PRKD1: variants seen among roughly 807,000 people sequenced by gnomAD.
PRKD1 encodes the protein serine/threonine-protein kinase D1.
PRKD1 carries 63 observed loss-of-function variants against 95.9 expected under a neutral mutation model. The ratio of observed to expected loss-of-function variants is 0.66; its 90% CI spans 0.54 to 0.81. The LOEUF (loss-of-function observed/expected upper bound fraction) is 0.81. Among genes scored for constraint, PRKD1 ranks in the 30% least tolerant of loss-of-function variants. The pLI, the probability that PRKD1 is intolerant of heterozygous loss-of-function variation, is 0.00. For missense variants in PRKD1, 1,048 were observed against 1,165.3 expected (o/e 0.90, Z 1.47); for synonymous variants, 425 against 423.1 (o/e 1.00, Z -0.05).
intron 1 of PRKD1, among the ~76,000 whole-genome samples, chr14:29,741,682 A>G (rs770588955): frequency 2.0e-5 from 3 of 152,126 alleles, no homozygotes; most frequent in Non-Finnish European, 2.9e-5. Flanking sequence ...TATAACTTCA[A>G]TACAGCTCCA....
intron 13 of PRKD1, among the ~76,000 whole-genome samples, chr14:29,618,492 G>A (rs1226194999): frequency 6.6e-6 from 1 of 152,120 alleles, no homozygotes; most frequent in Non-Finnish European, 1.5e-5. Flanking sequence ...CTGACCTCAG[G>A]TGATCCGGCT....
At chr14:29,644,602 T>G (rs952124843) in intron 4 of PRKD1, among the ~76,000 whole-genome samples, 1 of 151,860 alleles carries the variant, frequency 6.6e-6, no homozygotes, top group African/African-American at 2.4e-5. Flanking sequence ...AAAAAAAAAT[T>G]TAAAAACTTT....
intron 2 of PRKD1, among the ~76,000 whole-genome samples, chr14:29,714,409 TACCATCTCAC>T: frequency 6.6e-6 from 1 of 152,294 alleles, no homozygotes; most frequent in East Asian, 1.9e-4. Flanking sequence ...CACAATGAGA[TACCATCTCAC>T]ACCAGTTAGA....
intron 2 of PRKD1, among the ~76,000 whole-genome samples, chr14:29,718,170 C>T (rs1885717547): frequency 6.6e-6 from 1 of 152,088 alleles, no homozygotes; most frequent in Admixed American, 6.6e-5. Context: ...GTGTCCCCAC[C>T]CGAATCTTAT....
intron 1 of PRKD1, among the ~76,000 whole-genome samples, chr14:29,872,234 A>C (rs572794657): frequency 4.6e-5 from 7 of 152,350 alleles, no homozygotes; most frequent in East Asian, 1.9e-4. Flanking sequence ...CACGCAATTA[A>C]AAAACAGAAG....
intron 16 of PRKD1, among the ~76,000 whole-genome samples, chr14:29,584,179 CTAACAA>C (rs1892839467): frequency 6.6e-6 from 1 of 152,104 alleles, no homozygotes; most frequent in African/African-American, 2.4e-5. Flanking sequence ...TCCATTTTTT[CTAACAA>C]TAACAACAAA....
At position 29,763,322 on chromosome 14, in the gene PRKD1, A is replaced by T. The variant is rs377379347; in HGVS notation, c.265-37648T>A. ...AAAAAAACAAAAAGCCAAAAAAAGAAAAAAGAAGGAAGGAAGGAACGAAGC... is the reference window on the plus strand; with the variant it reads ...AAAAAAACAAAAAGCCAAAAAAAGATAAAAGAAGGAAGGAAGGAACGAAGC... On this transcript the variant is annotated intron_variant, in intron 1 of 17. Coordinates refer to ENST00000331968, the MANE Select transcript of PRKD1 (RefSeq NM_002742.3). 3.8e-5 allele frequency among the ~76,000 whole-genome samples: 5 copies of T among 132,226 alleles called. No homozygotes were observed. The South Asian group carries it at 1.0e-3, about 27-fold the overall frequency. The allele number at this position is 132,226 out of a possible 152,430, so 86.7% of individuals were successfully genotyped here.
chr14:29,593,935 A>G (rs1185740008), intron 16 of PRKD1, among the ~76,000 whole-genome samples: 2 of 152,230 alleles, frequency 1.3e-5, no homozygotes, highest in Non-Finnish European at 2.9e-5. Context: ...ATATCAAGCC[A>G]TAAGAAATAA....
chr14:29,927,664 G>C lies in PRKD1; in HGVS notation c.-152C>G, dbSNP rs1895360721. On this transcript the variant is annotated 5_prime_UTR_variant, in exon 1 of 18. Transcript: ENST00000331968. The stretch of plus-strand genomic sequence containing the variant: ...CGGAAAAGTCCCTGGGCTGGGGGAG[G>C]GCAAGGGGATGAGGATCGGGAGGGG... The C allele has an allele frequency of 2.4e-6, 1 of 408,880 alleles. No homozygotes were observed. Among genetic ancestry groups the C allele is most frequent in the Non-Finnish European group, 3.5e-6 (1 of 286,950 alleles). 25.3% of individuals were successfully genotyped at this position (408,880 alleles called of 1,614,324 possible).
intron 4 of PRKD1, among the ~76,000 whole-genome samples, chr14:29,642,214 T>C (rs572680318): frequency 6.6e-6 from 1 of 152,292 alleles, no homozygotes; most frequent in Non-Finnish European, 1.5e-5. Context: ...GGCAAAAGTA[T>C]TTCTAATGAT....
chr14:29,708,147 G>A (rs1206488030), intron 2 of PRKD1, among the ~76,000 whole-genome samples: 2 of 152,040 alleles, frequency 1.3e-5, no homozygotes, highest in Admixed American at 6.6e-5. Flanking sequence ...AAGCAGATAA[G>A]ATGACATTAG....
chr14:29,787,592 T>C (rs1187378906), intron 1 of PRKD1, among the ~76,000 whole-genome samples: 2 of 152,118 alleles, frequency 1.3e-5, no homozygotes, highest in East Asian at 3.9e-4. Flanking sequence ...GCTTTCTTTA[T>C]CTCTTTTTAT....
At chr14:29,692,222 T>A (rs949460133) in intron 2 of PRKD1, among the ~76,000 whole-genome samples, 4 of 150,858 alleles carry the variant, frequency 2.7e-5, no homozygotes, top group Non-Finnish European at 4.4e-5. Context: ...TTTTTTTTTT[T>A]AAATATAGAG....
intron 6 of PRKD1, among the ~76,000 whole-genome samples, chr14:29,636,825 G>A (rs973682551): frequency 6.6e-6 from 1 of 152,070 alleles, no homozygotes; most frequent in Non-Finnish European, 1.5e-5. Context: ...ATGTGACCAT[G>A]TGTTCTCATC....
intron 1 of PRKD1, among the ~76,000 whole-genome samples, chr14:29,763,561 A>G (rs1888123007): frequency 6.6e-6 from 1 of 152,010 alleles, no homozygotes. Context: ...ATTGTTGTTA[A>G]TGTTATGTTC....
At chr14:29,628,996 C>A in intron 11 of PRKD1, 45 bp downstream of exon 11, 2 of 1,302,330 alleles carry the variant, frequency 1.5e-6, no homozygotes, top group South Asian at 1.8e-5. Context: ...TTTTATTTTC[C>A]AGTAATCACA....
chr14:29,813,779 C>T (rs1036462188), intron 1 of PRKD1, among the ~76,000 whole-genome samples: 1 of 152,186 alleles, frequency 6.6e-6, no homozygotes, highest in Non-Finnish European at 1.5e-5. Context: ...ATTACACATC[C>T]AATTACTATA....
intron 16 of PRKD1, among the ~76,000 whole-genome samples, chr14:29,580,551 A>C (rs906898393): frequency 2.0e-5 from 3 of 152,140 alleles, no homozygotes; most frequent in Admixed American, 2.0e-4. Context: ...CCTATAGCTA[A>C]ATGTTGGGAC....
chr14:29,796,684 G>A (rs1484767662), intron 1 of PRKD1, among the ~76,000 whole-genome samples: 1 of 152,102 alleles, frequency 6.6e-6, no homozygotes, highest in Admixed American at 6.6e-5. Context: ...GCTCTGGATA[G>A]GTCAAGTAAG....
Sources: allele counts gnomAD v4.1 joint callset (sites outside exome capture counted in the v4.1 genomes callset), GRCh38; gene constraint gnomAD v4.1.1; transcripts MANE v1.5; gene names NCBI Gene and HGNC (gene_info 2026-07-23, HGNC 2026-07-21).